Variants in KANSL1L observed in about 807,000 individuals in gnomAD.
KANSL1L encodes KAT8 regulatory NSL complex subunit 1-like protein.
Under a neutral mutation model 108.6 loss-of-function variants are expected in KANSL1L, and 25 were observed. The ratio of observed to expected loss-of-function variants is 0.23; its 90% CI spans 0.17 to 0.32. The LOEUF is 0.32. KANSL1L is among the 10% of genes least tolerant of loss of function. The pLI is 1.00. For synonymous variants in KANSL1L, 405 were observed against 395.1 expected (o/e 1.03, Z -0.30); for missense variants, 1,137 against 1,125.7 (o/e 1.01, Z -0.14).
At chr2:210,052,001 CTTTT>C (rs546815241) in intron 6 of KANSL1L, among the ~76,000 whole-genome samples, 3 of 134,388 alleles carry the variant, frequency 2.2e-5, no homozygotes, top group South Asian at 2.4e-4. Context: ...TTCTTCTTTC[CTTTT>C]TTTTTTTTTT....
At chr2:210,056,550 G>A (rs1421826012) in intron 6 of KANSL1L, among the ~76,000 whole-genome samples, 2 of 151,976 alleles carry the variant, frequency 1.3e-5, no homozygotes, top group Non-Finnish European at 2.9e-5. Flanking sequence ...GTATGATCTC[G>A]GTTCACTGCA....
chr2:210,109,415 C>T (rs570752973), intron 3 of KANSL1L, among the ~76,000 whole-genome samples: 1 of 152,030 alleles, frequency 6.6e-6, no homozygotes, highest in Admixed American at 6.6e-5. Flanking sequence ...CCCTATCAAC[C>T]TTCAATATTA....
chr2:210,046,615 T>C (rs1257048627), intron 6 of KANSL1L, among the ~76,000 whole-genome samples: 1 of 152,074 alleles, frequency 6.6e-6, no homozygotes, highest in East Asian at 1.9e-4. Context: ...TTCTGCTTGA[T>C]GCTTTGCCTT....
intron 5 of KANSL1L, among the ~76,000 whole-genome samples, chr2:210,095,246 A>C (rs2125398193): frequency 6.6e-6 from 1 of 152,200 alleles, no homozygotes; most frequent in African/African-American, 2.4e-5. Context: ...TTAAAAACAA[A>C]ATATTTTCTG....
chr2:210,171,837 T>C (rs373119710), upstream of KANSL1L: 11 of 152,090 alleles, frequency 7.2e-5, no homozygotes, highest in Non-Finnish European at 1.3e-4. Context: ...CAGGCGAGTT[T>C]TAAGAGATTT....
rs557404229 is a variant in KANSL1L at position 210,082,307 on chromosome 2, T to C, written c.1551-6551A>G. 7.2e-5 allele frequency among the ~76,000 whole-genome samples: 11 copies of C among 152,348 alleles called. No individual in the cohort carries two copies. In the South Asian group the frequency reaches 2.3e-3, roughly 32 times the overall value. Reference sequence around the variant, plus strand: ...AGATGACTGCTTTGGAAAATGCTGCTACTTAATGATATGTGATAAAAATGC... The same window carrying C: ...AGATGACTGCTTTGGAAAATGCTGCCACTTAATGATATGTGATAAAAATGC... On this transcript the variant is annotated intron_variant, in intron 5 of 14. Transcript: ENST00000281772.
chr2:210,041,641 G>A (rs2094165313), intron 7 of KANSL1L, among the ~76,000 whole-genome samples: 1 of 151,926 alleles, frequency 6.6e-6, no homozygotes, highest in Admixed American at 6.6e-5. Flanking sequence ...GTCTTATTAT[G>A]TTCCCAGACT....
intron 1 of KANSL1L, among the ~76,000 whole-genome samples, chr2:210,167,126 CT>C (rs1688032958): frequency 6.6e-6 from 1 of 151,944 alleles, no homozygotes; most frequent in Non-Finnish European, 1.5e-5. Flanking sequence ...TGAGCTCACA[CT>C]GGTACAGTTT....
At chr2:210,170,812 A>T (rs1045328761) in intron 1 of KANSL1L, among the ~76,000 whole-genome samples, 1 of 152,168 alleles carries the variant, frequency 6.6e-6, no homozygotes, top group African/African-American at 2.4e-5. Context: ...CGCACGCGCC[A>T]GCCAAAACAA....
chr2:210,067,991 C>T (rs1363822355), intron 6 of KANSL1L, among the ~76,000 whole-genome samples: 1 of 152,072 alleles, frequency 6.6e-6, no homozygotes, highest in African/African-American at 2.4e-5. Flanking sequence ...AATTTTCCTG[C>T]CTCAGCCTCC....
Position 210,025,224 on chromosome 2 carries a change from T to C in KANSL1L, c.2452-8A>G. ...ATCAGAAAGATCTTCTATCTGGAAT[T>C]AGAAATAAAGATTTTTGTTTTAATC... is the stretch of plus-strand genomic sequence containing the variant. On this transcript the variant is annotated splice_region_variant and splice_polypyrimidine_tract_variant and intron_variant, in intron 12 of 14. Transcript: ENST00000281772. The C allele has an allele frequency of 6.8e-7, 1 of 1,463,014 alleles. No homozygotes were observed. Among genetic ancestry groups the C allele is most frequent in the Non-Finnish European group, 9.6e-7 (1 of 1,042,508 alleles). 90.6% of individuals were successfully genotyped at this position (1,463,014 alleles called of 1,614,324 possible).
chr2:210,083,864 A>C (rs2094612043), intron 5 of KANSL1L, among the ~76,000 whole-genome samples: 1 of 151,652 alleles, frequency 6.6e-6, no homozygotes. Flanking sequence ...GAAACTAATA[A>C]AAAATAAGAC....
rs1021609410 is a variant in KANSL1L, at chr2:210,152,320, T to C, written c.1088+1175A>G. 2.6e-5 allele frequency: 4 copies of C among 152,222 alleles called. No homozygotes were observed. The East Asian group carries it at 7.7e-4, about 29-fold the overall frequency. 9.4% of individuals were successfully genotyped at this position (152,222 alleles called of 1,614,324 possible). On this transcript the variant is annotated intron_variant, in intron 2 of 14. Coordinates refer to ENST00000281772, the MANE Select transcript of KANSL1L (RefSeq NM_152519.4). ...ACCATTTCAACTAAAATTTAGTCAA[T>C]TAAATAAAATTAAAATCTCATTTCC... is the stretch of plus-strand genomic sequence containing the variant.
intron 11 of KANSL1L, chr2:210,028,387 G>A (rs917142449): frequency 6.7e-6 from 1 of 149,400 alleles, no homozygotes; most frequent in African/African-American, 2.5e-5. Flanking sequence ...TTGCTGACTT[G>A]GCAATGCATC....
rs2095094145 is a variant in KANSL1L at position 210,128,949 on chromosome 2, C to T, written c.1230+82G>A. ...GCTACATTTTTATAAAACCTTGTAACAATTATTTTTGTGATCAAATGAGAA... is the reference window on the plus strand; with the variant it reads ...GCTACATTTTTATAAAACCTTGTAATAATTATTTTTGTGATCAAATGAGAA... On this transcript the variant is annotated intron_variant, in intron 3 of 14. Coordinates refer to ENST00000281772, the MANE Select transcript of KANSL1L (RefSeq NM_152519.4). 3.5e-6 allele frequency: 4 copies of T among 1,133,930 alleles called. No homozygotes were observed. In the East Asian group the frequency reaches 1.0e-4, roughly 29 times the overall value. 70.2% of individuals were successfully genotyped at this position (1,133,930 alleles called of 1,614,324 possible).
chr2:210,164,067 T>G (rs2095374580), intron 1 of KANSL1L, among the ~76,000 whole-genome samples: 1 of 152,182 alleles, frequency 6.6e-6, no homozygotes, highest in South Asian at 2.1e-4. Flanking sequence ...CATATGTAAT[T>G]TTAAACTTGC....
At chr2:210,037,321 A>C (rs1218462962) in intron 8 of KANSL1L, among the ~76,000 whole-genome samples, 1 of 152,188 alleles carries the variant, frequency 6.6e-6, no homozygotes, top group African/African-American at 2.4e-5. Context: ...GTTGGCCATG[A>C]TACTTATCAT....
At position 210,153,719 on chromosome 2, in the gene KANSL1L, T is replaced by G; in HGVS notation, c.864A>C (p.Lys288Asn). The G allele has an allele frequency of 6.2e-7, 1 of 1,605,034 alleles. No homozygotes were observed. The highest frequency in any genetic ancestry group is 1.1e-5 in the South Asian group (1 of 89,088). Residue 288 changes from lysine to asparagine, a missense_variant, in exon 2 of 15, where the codon AAA becomes AAC. By Grantham distance (94) the Lys-to-Asn change is moderately conservative (BLOSUM62 0). This residue lies in a region of KANSL1L where 556 missense variants were observed against 537.7 expected (regional missense o/e 1.03). Coordinates refer to ENST00000281772, the MANE Select transcript of KANSL1L (RefSeq NM_152519.4). ...PTTILGNSLP[K>N]CTEIKPEVNT... ...TAACTTCTGGCTTAATTTCAGTGCA[T>G]TTAGGTAAACTATTACCCAAAATTG...
At chr2:210,089,852 AAG>A (rs2094675902) in intron 5 of KANSL1L, among the ~76,000 whole-genome samples, 2 of 152,130 alleles carry the variant, frequency 1.3e-5, no homozygotes, top group South Asian at 4.1e-4. Flanking sequence ...AAAGGCAAGA[AAG>A]AAAACAACTT....
Sources: gnomAD v4.1 joint callset for allele counts (sites outside exome capture counted in the v4.1 genomes callset) on GRCh38, gnomAD v4.1.1 for gene constraint, gnomAD v4.1.1 regional missense constraint, MANE v1.5 for transcripts, NCBI Gene and HGNC (gene_info 2026-07-23, HGNC 2026-07-21) for gene names.